MMEL1: variants seen among roughly 807,000 people sequenced by gnomAD.
MMEL1 encodes the protein membrane metallo-endopeptidase-like 1.
MMEL1 carries 98 observed loss-of-function variants against 117.1 expected under a neutral mutation model. The ratio of observed to expected loss-of-function variants is 0.84; its 90% confidence interval spans 0.71 to 0.99. The LOEUF (loss-of-function observed/expected upper bound fraction) is 0.99. MMEL1 is among the 50% of genes least tolerant of loss of function. The probability of loss-of-function intolerance (pLI) is 0.00; values close to 1 mark genes in which losing one functional copy is unlikely to be tolerated. For synonymous variants in MMEL1, 390 were observed against 415.1 expected (o/e 0.94, Z 0.74); for missense variants, 1,014 against 1,049.1 (o/e 0.97, Z 0.46).
At chr1:2,632,745 G>A (rs987938661) in intron 1 of MMEL1, 121 bp downstream of exon 1, 5 of 582,026 alleles carry the variant, frequency 8.6e-6, no homozygotes, top group South Asian at 7.5e-5. Context: ...AGGACGCCCT[G>A]CCCAGCCTCC....
Position 2,626,818 on chromosome 1 carries a change from G to T in MMEL1, c.154+2513C>A, listed in dbSNP as rs530096367. ...TCCAAGTTAGTTGAGGGAAAATAGA[G>T]GAAATAATGATAGGTTGATCCAAAA... is the stretch of plus-strand genomic sequence containing the variant. On this transcript the variant is annotated intron_variant, in intron 2 of 23. Coordinates refer to ENST00000378412, the MANE Select transcript of MMEL1 (RefSeq NM_033467.4). 3.9e-5 allele frequency among the ~76,000 whole-genome samples: 6 copies of T among 152,288 alleles called. No homozygotes were observed. The South Asian group carries it at 6.2e-4, about 16-fold the overall frequency.
chr1:2,591,015 G>T lies in MMEL1; in HGVS notation c.2315C>A (p.Pro772His). The T allele has an allele frequency of 6.2e-7, 1 of 1,602,618 alleles. No homozygotes were observed. Among genetic ancestry groups the T allele is most frequent in the Non-Finnish European group, 8.5e-7 (1 of 1,175,712 alleles). The change falls in exon 24 of 24, where the codon CCC (proline) becomes CAC (histidine). Residue 772 changes from proline to histidine, a missense_variant. By Grantham distance (77) the Pro-to-His change is moderately conservative (BLOSUM62 -2). Coordinates refer to ENST00000378412, the MANE Select transcript of MMEL1 (RefSeq NM_033467.4). ...FHCARGTPMH[P>H]KERCRVW The stretch of plus-strand genomic sequence containing the variant: ...CTACCACACGCGGCATCGCTCCTTG[G>T]GGTGCATGGGGGTGCCCCGGGCACA...
At chr1:2,604,585 T>TGGGCTTGGGGTGCC (rs1439264171) in intron 9 of MMEL1, among the ~76,000 whole-genome samples, 11 of 151,796 alleles carry the variant, frequency 7.2e-5, no homozygotes, top group Non-Finnish European at 1.5e-4. Context: ...GTTGGGGTGC[T>TGGGCTTGGGGTGCC]GGGCTTGGGG....
rs954284179 is a variant in MMEL1 at position 2,624,858 on chromosome 1, C to T, written c.154+4473G>A. ...GGCTGTACAGGAAGCGTGGCTAGGA[C>T]GCCTGAGGAAGCTTACAATCATGGC... On this transcript the variant is annotated intron_variant, in intron 2 of 23. Transcript: ENST00000378412. Among the ~76,000 whole-genome samples the T allele has an allele frequency of 7.2e-5, 11 of 152,142 alleles. 1 individual carries two copies. Among genetic ancestry groups the T allele is most frequent in the South Asian group, 4.1e-4 (2 of 4,828 alleles).
rs780083250 is a variant in MMEL1, at chr1:2,595,978, G to C, written c.1500+31C>G. 1 of 1,583,758 alleles carries C rather than the reference G, an allele frequency of 6.3e-7. No individual in the cohort carries two copies. Among genetic ancestry groups the C allele is most frequent in the Non-Finnish European group, 8.7e-7 (1 of 1,153,202 alleles). ...GTGCTGCCCGTGCCCAGATCCAGTC[G>C]GGGCTGCCCTGACCTCTGCGAGCCA... On this transcript the variant is annotated intron_variant, in intron 15 of 23. Transcript: ENST00000378412. This position sits in a 1 kb window ranked among gnomAD's most constrained non-coding sequence, Gnocchi z 4.8.
At chr1:2,602,539 T>C (rs1644949503) in intron 11 of MMEL1, among the ~76,000 whole-genome samples, 1 of 152,098 alleles carries the variant, frequency 6.6e-6, no homozygotes, top group East Asian at 1.9e-4. Context: ...AGCTGCCATC[T>C]CTTGCCCGGG....
intron 2 of MMEL1, among the ~76,000 whole-genome samples, chr1:2,625,919 C>G (rs1638248916): frequency 7.2e-6 from 1 of 138,736 alleles, no homozygotes; most frequent in Non-Finnish European, 1.6e-5. Flanking sequence ...GGGGAGTTCC[C>G]TATGACCAGT....
intron 7 of MMEL1, 120 bp downstream of exon 7, chr1:2,606,854 C>T: frequency 1.1e-6 from 1 of 937,096 alleles, no homozygotes; most frequent in Non-Finnish European, 1.7e-6. Context: ...CTTGGGGCTC[C>T]TGAGAGCAGC....
chr1:2,620,718 G>A (rs1557554927), intron 2 of MMEL1, among the ~76,000 whole-genome samples: 1 of 151,884 alleles, frequency 6.6e-6, no homozygotes, highest in Non-Finnish European at 1.5e-5. Context: ...CAGCAAGAAG[G>A]TGGCCATTTG....
At chr1:2,630,983 C>CTG (rs891141214) in intron 1 of MMEL1, among the ~76,000 whole-genome samples, 2 of 148,938 alleles carry the variant, frequency 1.3e-5, no homozygotes, top group Non-Finnish European at 3.0e-5. Context: ...ACGTGTGTGA[C>CTG]TGTGATTGTG....
At position 2,607,435 on chromosome 1, in the gene MMEL1, G is replaced by A. The variant is rs1645047418; in HGVS notation, c.536-366C>T. 2.0e-5 allele frequency among the ~76,000 whole-genome samples: 3 copies of A among 150,032 alleles called. No individual in the cohort carries two copies. The South Asian group carries it at 6.4e-4, about 32-fold the overall frequency. On this transcript the variant is annotated intron_variant, in intron 6 of 23. Coordinates refer to ENST00000378412, the MANE Select transcript of MMEL1 (RefSeq NM_033467.4). ...GAGAGGAGAGGAGGCTCTGGGATCA[G>A]GCCAAGCCTCGGCGAGGACTCAGGC...
At chr1:2,606,914 G>A (rs763754884) in intron 7 of MMEL1, 60 bp downstream of exon 7, 57 of 1,490,284 alleles carry the variant, frequency 3.8e-5, no homozygotes, top group Non-Finnish European at 5.1e-5. Flanking sequence ...CAGACCGAAG[G>A]AGCCCTGGTC....
Position 2,596,038 on chromosome 1 carries a change from C to T in MMEL1, c.1471G>A (p.Glu491Lys), listed in dbSNP as rs200441153. 119 of 1,613,866 alleles carry T rather than the reference C, an allele frequency of 7.4e-5. No individual in the cohort carries two copies. In the East Asian group the frequency reaches 1.3e-3, roughly 18 times the overall value. Residue 491 changes from glutamate to lysine, a missense_variant, in exon 15 of 24, where the codon GAG becomes AAG. Glu to Lys is a moderately conservative substitution (Grantham distance 56). Transcript: ENST00000378412. The stretch of plus-strand genomic sequence containing the variant: ...TCCTGCGCCTTCTTCTTGGACTCCT[C>T]GTCCATCCAGCCCAGCTCGTCCAGC... ...ETLDELGWMD[E>K]ESKKKAQEKA... is the part of the protein sequence containing the mutation.
chr1:2,603,820 G>A (rs575622898), intron 11 of MMEL1, 64 bp downstream of exon 11: 15 of 1,477,062 alleles, frequency 1.0e-5, no homozygotes, highest in Middle Eastern at 1.7e-4. Context: ...TCAGAGGGCC[G>A]CTTCCATGTC....
rs753139268 is a variant in MMEL1, at chr1:2,598,297, G to A, written c.1182C>T (p.Thr394=). ...GGCGCCAGACCAGGTAGTTCTGTAT[G>A]GTCCTGGGGGCAGAAGGTAGAGGGT... The part of the protein sequence containing the change: ...ENIIDTYSAR[T]IQNYLVWRLV... Residue 394 remains threonine (T), a synonymous_variant, in exon 13 of 24, where the codon ACC becomes ACT. Transcript: ENST00000378412. 1 of 1,613,958 alleles carries A rather than the reference G, an allele frequency of 6.2e-7. No homozygotes were observed.
intron 2 of MMEL1, among the ~76,000 whole-genome samples, chr1:2,621,966 G>A (rs866040696): frequency 6.6e-6 from 1 of 152,168 alleles, no homozygotes; most frequent in African/African-American, 2.4e-5. Flanking sequence ...TCCTGGGGCT[G>A]TGTCACGGGC....
Position 2,601,040 on chromosome 1 carries a change from A to T in MMEL1, c.1042-2250T>A, listed in dbSNP as rs60061584. On this transcript the variant is annotated intron_variant, in intron 11 of 23. Transcript: ENST00000378412. Reference sequence around the variant, plus strand: ...TCCCCAAATTGATAGAGAGATTCAAAGTGATCCCTATCAAATTTCTAGCAG... The same window carrying T: ...TCCCCAAATTGATAGAGAGATTCAATGTGATCCCTATCAAATTTCTAGCAG... Among the ~76,000 whole-genome samples, 972 of 152,352 alleles carry T rather than the reference A, an allele frequency of 6.4e-3. 7 individuals are homozygous for T. Among genetic ancestry groups the T allele is most frequent in the African/African-American group, 0.021 (877 of 41,582 alleles).
At chr1:2,594,701 C>T in intron 17 of MMEL1, 89 bp downstream of exon 17, 2 of 1,180,188 alleles carry the variant, frequency 1.7e-6, no homozygotes, top group South Asian at 2.7e-5. Context: ...AGCCACGCAT[C>T]CAGTCCCCCG....
chr1:2,622,665 A>C (rs974073951), intron 2 of MMEL1, among the ~76,000 whole-genome samples: 2 of 152,128 alleles, frequency 1.3e-5, no homozygotes, highest in Non-Finnish European at 2.9e-5. Flanking sequence ...CTGGTGGATC[A>C]CCTGAGGTCA....
Sources: gnomAD v4.1 joint callset for allele counts (sites outside exome capture counted in the v4.1 genomes callset) on GRCh38, gnomAD v4.1.1 for gene constraint, Gnocchi (gnomAD v3.1) non-coding constraint, MANE v1.5 for transcripts, NCBI Gene and HGNC (gene_info 2026-07-23, HGNC 2026-07-21) for gene names.